GPR26: variants seen among roughly 807,000 people sequenced by gnomAD.
GPR26 encodes G protein-coupled receptor 26.
Under a neutral mutation model 23.1 loss-of-function variants are expected in GPR26, and 15 were observed. That is an observed-to-expected ratio of 0.65 (90% CI 0.43 to 1.00). GPR26 has a LOEUF of 1.00. Among genes scored for constraint, GPR26 ranks in the 50% least tolerant of loss-of-function variants. GPR26 has a pLI of 0.00. For missense variants in GPR26, 359 were observed against 470.5 expected (o/e 0.76, Z 2.19); for synonymous variants, 228 against 222.1 (o/e 1.03, Z -0.24).
chr10:123,674,770 C>G lies in GPR26; in HGVS notation c.669-48C>G. 1 of 1,270,936 alleles carries G rather than the reference C, an allele frequency of 7.9e-7. No individual in the cohort carries two copies. Among genetic ancestry groups the G allele is most frequent in the Non-Finnish European group, 1.1e-6 (1 of 875,876 alleles). 78.7% of individuals were successfully genotyped at this position (1,270,936 alleles called of 1,614,324 possible). On this transcript the variant is annotated intron_variant, in intron 1 of 2. Transcript: ENST00000284674. The surrounding 1 kb of genome is among the most constrained non-coding windows in gnomAD (Gnocchi z 4.1). ...TTAGTAAATAGTGCCTCATCCTGACCTAGCAAGGGTGCCTCGTAGTTCACC... is the reference window on the plus strand; with the variant it reads ...TTAGTAAATAGTGCCTCATCCTGACGTAGCAAGGGTGCCTCGTAGTTCACC...
At chr10:123,670,006 G>C (rs906752069) in intron 1 of GPR26, among the ~76,000 whole-genome samples, 1 of 152,244 alleles carries the variant, frequency 6.6e-6, no homozygotes, top group Non-Finnish European at 1.5e-5. Context: ...GCATGGCAGA[G>C]CAGGTGGGCC....
rs1219823 is a variant in GPR26 at position 123,690,335 on chromosome 10, G to A, written c.*2175G>A. On this transcript the variant is annotated 3_prime_UTR_variant, in exon 3 of 3. Transcript: ENST00000284674. ...AAGTTGGGCAAAAGTGGCCCAGTGC[G>A]TGAGGTCAGTCAACAGCCAAATTCC... The A allele has an allele frequency of 0.99, 150,266 of 152,310 alleles. 74,152 individuals are homozygous for A. Among genetic ancestry groups the A allele is most frequent in the East Asian group, 1 (5,178 of 5,178 alleles). The allele number at this position is 152,310 out of a possible 1,614,324, so 9.4% of individuals were successfully genotyped here. A position where few individuals can be genotyped will look rare whatever the true frequency, so the allele number is the denominator to read the frequency against.
chr10:123,670,378 A>G (rs967288910), intron 1 of GPR26, among the ~76,000 whole-genome samples: 2 of 152,184 alleles, frequency 1.3e-5, no homozygotes, highest in Non-Finnish European at 2.9e-5. Context: ...TCAAGCTAAG[A>G]CTCACACTCA....
Position 123,692,009 on chromosome 10 carries a change from A to G in GPR26, c.*3849A>G, listed in dbSNP as rs147632792. 5 of 152,304 alleles carry G rather than the reference A, an allele frequency of 3.3e-5. No homozygotes were observed. In the East Asian group the frequency reaches 5.8e-4, roughly 18 times the overall value. The allele number at this position is 152,304 out of a possible 1,614,324, so 9.4% of individuals were successfully genotyped here. A position where few individuals can be genotyped will look rare whatever the true frequency, so the allele number is the denominator to read the frequency against. ...CTTGTATCTTTCCCTAATTCTCCAA[A>G]CAGTTCAATCTCCAGCTTTATTCAA... On this transcript the variant is annotated 3_prime_UTR_variant, in exon 3 of 3. Coordinates refer to ENST00000284674, the MANE Select transcript of GPR26 (RefSeq NM_153442.4).
chr10:123,667,857 C>T (rs576508895), intron 1 of GPR26, among the ~76,000 whole-genome samples: 84 of 152,280 alleles, frequency 5.5e-4, no homozygotes, highest in Non-Finnish European at 9.7e-4. Context: ...CCCCTGCCAT[C>T]GCAGGAGCCT....
intron 2 of GPR26, among the ~76,000 whole-genome samples, chr10:123,682,067 G>A (rs146801608): frequency 2.0e-5 from 3 of 152,296 alleles, no homozygotes; most frequent in South Asian, 2.1e-4. Context: ...TGGGGCAGGC[G>A]CTGGAAACAC....
intron 1 of GPR26, among the ~76,000 whole-genome samples, chr10:123,673,933 T>TTCTTCG (rs1363301891): frequency 2.6e-5 from 4 of 151,734 alleles, no homozygotes; most frequent in African/African-American, 9.7e-5. Context: ...CTTCTTCTTC[T>TTCTTCG]TCTTCTTCTT....
intron 2 of GPR26, among the ~76,000 whole-genome samples, chr10:123,687,041 A>G (rs1031454181): frequency 1.3e-5 from 2 of 152,070 alleles, no homozygotes; most frequent in Non-Finnish European, 2.9e-5. Context: ...AATTCTGTTG[A>G]AGGCTTTCCC....
Position 123,692,596 on chromosome 10 carries a change from G to C in GPR26, c.*4436G>C, listed in dbSNP as rs903455138. On this transcript the variant is annotated 3_prime_UTR_variant, in exon 3 of 3. Transcript: ENST00000284674. ...TGGTGTTGGCTCTGGGACCTGGGCT[G>C]GGCCGGACCTGGGGAGAGGGTGGGT... 1.3e-5 allele frequency: 2 copies of C among 152,660 alleles called. No individual in the cohort carries two copies. Among genetic ancestry groups the C allele is most frequent in the African/African-American group, 4.8e-5 (2 of 41,478 alleles). 9.5% of individuals were successfully genotyped at this position (152,660 alleles called of 1,614,324 possible).
intron 2 of GPR26, among the ~76,000 whole-genome samples, chr10:123,675,835 T>TGTGTGTGTGTAC (rs1845303189): frequency 7.0e-6 from 1 of 143,664 alleles, no homozygotes; most frequent in Non-Finnish European, 1.6e-5. Flanking sequence ...TGTGTGTACG[T>TGTGTGTGTGTAC]GTGTGTGTGT....
intron 1 of GPR26, among the ~76,000 whole-genome samples, chr10:123,673,814 C>G (rs950456278): frequency 1.3e-5 from 2 of 152,216 alleles, no homozygotes; most frequent in African/African-American, 4.8e-5. Context: ...AAAAGACCAG[C>G]TTTGAGTCAT....
In GPR26 at chr10:123,695,123, G is replaced by C. The variant is rs999348320; in HGVS notation, c.*6963G>C. 6.6e-6 allele frequency among the ~76,000 whole-genome samples: 1 copy of C among 152,192 alleles called. No homozygotes were observed. Among genetic ancestry groups the C allele is most frequent in the Non-Finnish European group, 1.5e-5 (1 of 68,040 alleles). On this transcript the variant is annotated 3_prime_UTR_variant, in exon 3 of 3. Transcript: ENST00000284674. ...CCACACCTATCTCCGGGTGTTGCCC[G>C]TACAGTGTGTCATGTAAATAGCATC...
intron 2 of GPR26, among the ~76,000 whole-genome samples, chr10:123,680,794 C>G (rs969977516): frequency 1.5e-5 from 2 of 135,466 alleles, no homozygotes; most frequent in African/African-American, 5.6e-5. Context: ...AGTTAACATT[C>G]TCTTGGGTTT....
chr10:123,667,759 C>T (rs915412118), intron 1 of GPR26, among the ~76,000 whole-genome samples: 13 of 152,104 alleles, frequency 8.5e-5, no homozygotes, highest in African/African-American at 3.1e-4. Flanking sequence ...GCTCCTGGGG[C>T]TGAATCTGCC....
At chr10:123,686,727 C>T (rs190117377) in intron 2 of GPR26, among the ~76,000 whole-genome samples, 3 of 152,306 alleles carry the variant, frequency 2.0e-5, no homozygotes, top group Admixed American at 6.5e-5. Flanking sequence ...CCACCACCGC[C>T]TTCTATCTGC....
intron 2 of GPR26, among the ~76,000 whole-genome samples, chr10:123,685,243 A>G (rs878892224): frequency 6.6e-6 from 1 of 152,186 alleles, no homozygotes; most frequent in Non-Finnish European, 1.5e-5. Context: ...CATGGACTGA[A>G]TTGTCCCTCT....
intron 2 of GPR26, 54 bp from the exon 3 acceptor site, chr10:123,687,875 C>G: frequency 7.7e-7 from 1 of 1,299,120 alleles, no homozygotes. Context: ...CCCATGGCCA[C>G]TCCCAGCGGT....
chr10:123,680,017 T>G (rs974728953), intron 2 of GPR26, among the ~76,000 whole-genome samples: 4 of 152,190 alleles, frequency 2.6e-5, no homozygotes, highest in African/African-American at 9.6e-5. Flanking sequence ...AGGAAGTCAC[T>G]TCCTTGGCTG....
rs985842782 is a variant in GPR26, at chr10:123,696,025, G to A, written c.*7865G>A. 2.6e-5 allele frequency among the ~76,000 whole-genome samples: 4 copies of A among 152,158 alleles called. No individual in the cohort carries two copies. The highest frequency in any genetic ancestry group is 6.5e-5 in the Admixed American group (1 of 15,278). On this transcript the variant is annotated 3_prime_UTR_variant, in exon 3 of 3. Transcript: ENST00000284674. ...GGTGGTTTTTCTAGACACCAGAATA[G>A]GCCAGATTTAATTTTCACAGGCTCA...
Sources: allele counts gnomAD v4.1 joint callset (sites outside exome capture counted in the v4.1 genomes callset), GRCh38; gene constraint gnomAD v4.1.1; non-coding constraint Gnocchi (gnomAD v3.1); transcripts MANE v1.5; gene names NCBI Gene and HGNC (gene_info 2026-07-23, HGNC 2026-07-21).